The following PCDHGB2 variants were observed in gnomAD, a reference collection of about 807,000 sequenced individuals.
PCDHGB2 encodes the protein protocadherin gamma-B2.
A neutral mutation model predicts 59.3 loss-of-function variants in PCDHGB2; 55 were observed. The observed-to-expected ratio is 0.93, with a 90% CI of 0.75 to 1.16. PCDHGB2 has a LOEUF of 1.16. PCDHGB2 is among the 50% of genes most tolerant of loss of function. The pLI is 0.00. For missense variants in PCDHGB2, 1,228 were observed against 1,198.5 expected, an observed-to-expected ratio of 1.02 and a Z score of -0.36; for synonymous variants, 516 against 512.0, an observed-to-expected ratio of 1.01 and a Z score of -0.11.
chr5:141,476,979 G>T lies in PCDHGB2; in HGVS notation c.2422-17828G>T. The T allele has an allele frequency of 1.2e-6, 2 of 1,614,238 alleles. No individual in the cohort carries two copies. The highest frequency in any genetic ancestry group is 1.7e-6 in the Non-Finnish European group (2 of 1,180,042). The stretch of plus-strand genomic sequence containing the variant: ...ATTTACTCCTTCGGCAGCCACAACC[G>T]CGCCGGCGTGCGGCAACTATTCGCC... On this transcript the variant is annotated intron_variant, in intron 1 of 3. Coordinates refer to ENST00000522605, the MANE Select transcript of PCDHGB2 (RefSeq NM_018923.3). This position sits in a 1 kb window ranked among gnomAD's most constrained non-coding sequence, Gnocchi z 7.6.
intron 1 of PCDHGB2, chr5:141,375,291 G>C: frequency 4.3e-6 from 7 of 1,613,756 alleles, no homozygotes; most frequent in Non-Finnish European, 5.9e-6. Context: ...AATTATTATC[G>C]ATTAGTGACA....
chr5:141,410,660 T>C (rs911543817), intron 1 of PCDHGB2: 12 of 1,572,396 alleles, frequency 7.6e-6, no homozygotes, highest in African/African-American at 2.7e-5. Context: ...TCTAATAGTC[T>C]ACTAGTTTCT....
chr5:141,383,826 T>G, intron 1 of PCDHGB2: 1 of 1,613,966 alleles, frequency 6.2e-7, no homozygotes, highest in Non-Finnish European at 8.5e-7. Flanking sequence ...GATTAGATTA[T>G]GAAGAAACTG....
intron 2 of PCDHGB2, among the ~76,000 whole-genome samples, chr5:141,499,384 A>G (rs2099791576): frequency 6.6e-6 from 1 of 152,200 alleles, no homozygotes. Context: ...TTTTCCACTT[A>G]TAAAATAGTA....
intron 1 of PCDHGB2, chr5:141,398,210 C>T (rs755562930): frequency 1.3e-6 from 2 of 1,483,862 alleles, no homozygotes; most frequent in South Asian, 1.3e-5. Flanking sequence ...TTCTGCCCGG[C>T]GCTCTGTGAG....
Position 141,485,581 on chromosome 5 carries a change from G to C in PCDHGB2, c.2422-9226G>C. The C allele has an allele frequency of 6.2e-7, 1 of 1,612,458 alleles. No individual in the cohort carries two copies. The highest frequency in any genetic ancestry group is 8.5e-7 in the Non-Finnish European group (1 of 1,178,652). ...ATCACGCCCCCCGTTTTCCGCGGCA[G>C]CAGCTGGACTTGGAAATTGGGGAGG... On this transcript the variant is annotated intron_variant, in intron 1 of 3. Coordinates refer to ENST00000522605, the MANE Select transcript of PCDHGB2 (RefSeq NM_018923.3). This position sits in a 1 kb window ranked among gnomAD's most constrained non-coding sequence, Gnocchi z 5.7.
chr5:141,452,848 G>A (rs1425590240), intron 1 of PCDHGB2, among the ~76,000 whole-genome samples: 9 of 152,128 alleles, frequency 5.9e-5, no homozygotes, highest in Non-Finnish European at 1.0e-4. Flanking sequence ...CCCACACTCT[G>A]GGGAGATGAT....
intron 1 of PCDHGB2, chr5:141,433,049 C>A (rs1418118305): frequency 6.2e-7 from 1 of 1,614,110 alleles, no homozygotes; most frequent in Admixed American, 1.7e-5. Flanking sequence ...CACGGACTCG[C>A]GGAAGAGTCA....
At chr5:141,375,150 T>C in intron 1 of PCDHGB2, 3 of 1,613,946 alleles carry the variant, frequency 1.9e-6, no homozygotes, top group Non-Finnish European at 2.5e-6. Flanking sequence ...AGCAGAACAA[T>C]TGCTGAAAGT....
Position 141,490,800 on chromosome 5 carries a change from TACCTTTG to T in PCDHGB2, c.2422-4004_2422-3998del, listed in dbSNP as rs763340907. Reference sequence around the variant, plus strand: ...AGGATGGACGGATCTTTGCCCAGCGTACCTTTGACTATGAATTGCTGCAGATGCTGCA... The same window carrying T: ...AGGATGGACGGATCTTTGCCCAGCGTACTATGAATTGCTGCAGATGCTGCA... On this transcript the variant is annotated intron_variant, in intron 1 of 3. Transcript: ENST00000522605. The surrounding 1 kb of genome is among the most constrained non-coding windows in gnomAD (Gnocchi z 5.4). 2.5e-6 allele frequency: 4 copies of T among 1,613,968 alleles called. No homozygotes were observed. The highest frequency in any genetic ancestry group is 1.7e-6 in the Non-Finnish European group (2 of 1,179,894).
intron 1 of PCDHGB2, chr5:141,392,828 G>T: frequency 6.2e-7 from 1 of 1,604,008 alleles, no homozygotes; most frequent in Non-Finnish European, 8.5e-7. Context: ...CCGCTCCACA[G>T]AGTCGCCCCA....
chr5:141,499,404 T>G (rs1468724077), intron 2 of PCDHGB2, among the ~76,000 whole-genome samples: 3 of 152,178 alleles, frequency 2.0e-5, no homozygotes, highest in African/African-American at 7.2e-5. Context: ...ACATGCTCAT[T>G]ATAGAAACAT....
intron 1 of PCDHGB2, chr5:141,365,787 G>A (rs1764122554): frequency 1.2e-6 from 2 of 1,613,864 alleles, no homozygotes; most frequent in Middle Eastern, 1.6e-4. Context: ...GACAACGCTC[G>A]AGTCACCTAC....
Position 141,417,626 on chromosome 5 carries a change from T to C in PCDHGB2, c.2421+55070T>C, listed in dbSNP as rs1156653216. ...CCGTCGGCCAGTGCAGAGCAAGCGC[T>C]GACGCCGGGGATCCCTCAGCCTCTA... On this transcript the variant is annotated intron_variant, in intron 1 of 3. Coordinates refer to ENST00000522605, the MANE Select transcript of PCDHGB2 (RefSeq NM_018923.3). The C allele has an allele frequency of 4.4e-6, 3 of 689,458 alleles. No homozygotes were observed. In the African/African-American group the frequency reaches 5.4e-5, roughly 12 times the overall value. The allele number at this position is 689,458 out of a possible 1,614,324, so 42.7% of individuals were successfully genotyped here. A position where few individuals can be genotyped will look rare whatever the true frequency, so the allele number is the denominator to read the frequency against.
chr5:141,376,190 G>A (rs759357506), intron 1 of PCDHGB2: 9 of 1,614,116 alleles, frequency 5.6e-6, no homozygotes, highest in Admixed American at 1.7e-5. Flanking sequence ...GGTCTCCTGC[G>A]TCTTCCTGGC....
In PCDHGB2 at chr5:141,360,853, C is replaced by T. The variant is rs1463247472; in HGVS notation, c.718C>T (p.Pro240Ser). ...AGTCACGGATGCCAACGATAACCCT[C>T]CAGTGTTCAGCCAGGACGTGTACAG... is the stretch of plus-strand genomic sequence containing the variant. ...IKVTDANDNP[P>S]VFSQDVYRVT... is the part of the protein sequence containing the mutation. The change falls in exon 1 of 4, where the codon CCA (proline) becomes TCA (serine). Residue 240 changes from proline to serine, a missense_variant. Around this residue, in one of 3 missense-constraint regions of PCDHGB2, gnomAD observed 781 missense variants for 721.6 expected, o/e 1.08. Coordinates refer to ENST00000522605, the MANE Select transcript of PCDHGB2 (RefSeq NM_018923.3). The T allele has an allele frequency of 5.6e-6, 9 of 1,613,874 alleles. No homozygotes were observed. The highest frequency in any genetic ancestry group is 1.3e-5 in the African/African-American group (1 of 74,916).
chr5:141,372,253 G>A (rs1768545048), intron 1 of PCDHGB2: 2 of 1,613,040 alleles, frequency 1.2e-6, no homozygotes, highest in African/African-American at 2.7e-5. Flanking sequence ...TTCAGCCTGG[G>A]CCTGCGCACG....
intron 1 of PCDHGB2, chr5:141,409,747 C>T (rs771456718): frequency 1.2e-6 from 2 of 1,612,994 alleles, no homozygotes; most frequent in East Asian, 2.2e-5. Flanking sequence ...GGGTGGTGTT[C>T]GCGCAGCGCG....
chr5:141,399,794 C>G, intron 1 of PCDHGB2: 1 of 1,613,268 alleles, frequency 6.2e-7, no homozygotes, highest in South Asian at 1.1e-5. Flanking sequence ...GACAACGCAC[C>G]GCGGGTGCTG....
Sources: allele counts gnomAD v4.1 joint callset (sites outside exome capture counted in the v4.1 genomes callset), GRCh38; gene constraint gnomAD v4.1.1; regional missense constraint gnomAD v4.1.1; non-coding constraint Gnocchi (gnomAD v3.1); transcripts MANE v1.5; gene names NCBI Gene and HGNC (gene_info 2026-07-23, HGNC 2026-07-21).